PHLPP1: variants seen among roughly 807,000 people sequenced by gnomAD.
PHLPP1 encodes PH domain leucine-rich repeat-containing protein phosphatase 1.
Under a neutral mutation model 117.2 loss-of-function variants are expected in PHLPP1, and 42 were observed. The observed-to-expected ratio is 0.36, with a 90% CI of 0.28 to 0.46. PHLPP1 has a LOEUF of 0.46. Ranked by LOEUF, PHLPP1 falls within the 20% of genes least tolerant of loss-of-function variation. PHLPP1 has a pLI of 1.00. For synonymous variants in PHLPP1, 1,042 were observed against 970.7 expected, an observed-to-expected ratio of 1.07 and a Z score of -1.37; for missense variants, 2,084 against 2,241.9, an observed-to-expected ratio of 0.93 and a Z score of 1.42.
chr18:62,780,858 T>G (rs1455930912), intron 1 of PHLPP1, among the ~76,000 whole-genome samples: 1 of 152,208 alleles, frequency 6.6e-6, no homozygotes, highest in Non-Finnish European at 1.5e-5. Context: ...TTGGATTCCC[T>G]CATGCTATAT....
chr18:62,968,303 G>A (rs571837449), intron 14 of PHLPP1, among the ~76,000 whole-genome samples: 109 of 152,196 alleles, frequency 7.2e-4, no homozygotes, highest in African/African-American at 2.6e-3. Context: ...GAGTTTTCTG[G>A]AGGAGTTTGT....
At chr18:62,874,699 T>A (rs925993643) in intron 4 of PHLPP1, among the ~76,000 whole-genome samples, 1 of 151,872 alleles carries the variant, frequency 6.6e-6, no homozygotes, top group Non-Finnish European at 1.5e-5. Context: ...ACACTCTCGC[T>A]CTCTGTCTCT....
At chr18:62,822,482 C>A (rs1317637716) in intron 1 of PHLPP1, among the ~76,000 whole-genome samples, 1 of 151,716 alleles carries the variant, frequency 6.6e-6, no homozygotes, top group Non-Finnish European at 1.5e-5. Context: ...GACGGGGTTT[C>A]ACCGTGTTAG....
intron 10 of PHLPP1, among the ~76,000 whole-genome samples, chr18:62,925,033 A>T (rs1372275279): frequency 6.6e-6 from 1 of 151,966 alleles, no homozygotes; most frequent in East Asian, 1.9e-4. Context: ...TAGATTTCTC[A>T]TTTACCTGTC....
intron 16 of PHLPP1, among the ~76,000 whole-genome samples, chr18:62,977,207 A>G (rs1911214049): frequency 6.6e-6 from 1 of 152,140 alleles, no homozygotes; most frequent in African/African-American, 2.4e-5. Flanking sequence ...AGACATCCCT[A>G]GGACAAGTAA....
chr18:62,825,494 C>G (rs948613677), intron 1 of PHLPP1: 1 of 147,372 alleles, frequency 6.8e-6, no homozygotes, highest in Non-Finnish European at 1.5e-5. Flanking sequence ...GGTCTTATTC[C>G]ATCTCCCAGG....
Position 62,716,069 on chromosome 18 carries a change from A to C in PHLPP1, c.386A>C (p.Asn129Thr), listed in dbSNP as rs1910718233. The change falls in exon 1 of 17, where the codon AAT (asparagine) becomes ACT (threonine). Residue 129 changes from asparagine (N) to threonine (T), a missense_variant. Physicochemically the swap from Asn to Thr is moderately conservative, Grantham distance 65. Transcript: ENST00000262719. The surrounding 1 kb of genome is among the most constrained non-coding windows in gnomAD (Gnocchi z 5.7). ...LLLRRGRLKR[N>T]LSAAAAAASS... ...CTGAGGAGAGGGCGGCTGAAGAGGA[A>C]TCTGTCCGCGGCCGCCGCGGCCGCC... 1 of 1,482,916 alleles carries C rather than the reference A, an allele frequency of 6.7e-7. No homozygotes were observed. The highest frequency in any genetic ancestry group is 2.7e-5 in the East Asian group (1 of 36,674). 91.9% of individuals were successfully genotyped at this position (1,482,916 alleles called of 1,614,324 possible). A position where few individuals can be genotyped will look rare whatever the true frequency, so the allele number is the denominator to read the frequency against.
chr18:62,928,722 T>G (rs1909720817), intron 10 of PHLPP1, among the ~76,000 whole-genome samples: 1 of 152,208 alleles, frequency 6.6e-6, no homozygotes, highest in African/African-American at 2.4e-5. Context: ...ATAGCAACAT[T>G]ATTCATAACA....
intron 3 of PHLPP1, among the ~76,000 whole-genome samples, chr18:62,851,554 G>T (rs1049349740): frequency 6.6e-6 from 1 of 152,042 alleles, no homozygotes; most frequent in African/African-American, 2.4e-5. Context: ...TCCGCCTCCC[G>T]GATTCAAGAG....
intron 1 of PHLPP1, among the ~76,000 whole-genome samples, chr18:62,746,767 G>A (rs1187677737): frequency 2.0e-5 from 3 of 150,034 alleles, no homozygotes; most frequent in Non-Finnish European, 4.4e-5. Context: ...CCTATATATT[G>A]TATGTGGGTT....
rs769645375 is a variant in PHLPP1 at position 62,978,079 on chromosome 18, G to A, written c.3985-183G>A. ...TTACCTGCCCAGGCCTACTACCTGG[G>A]GTTTCTGATGACAGGTGCACATTAA... On this transcript the variant is annotated intron_variant, in intron 16 of 16. Transcript: ENST00000262719. The surrounding 1 kb of genome is among the most constrained non-coding windows in gnomAD (Gnocchi z 7.0). Among the ~76,000 whole-genome samples, 3 of 152,034 alleles carry A rather than the reference G, an allele frequency of 2.0e-5. No homozygotes were observed. Among genetic ancestry groups the A allele is most frequent in the Non-Finnish European group, 4.4e-5 (3 of 67,998 alleles).
In PHLPP1 at chr18:62,941,942, G is replaced by A. The variant is rs766091546; in HGVS notation, c.3161+24G>A. 22 of 1,551,398 alleles carry A rather than the reference G, an allele frequency of 1.4e-5. 1 individual carries two copies. Among genetic ancestry groups the A allele is most frequent in the South Asian group, 3.4e-5 (3 of 88,338 alleles). ...AGGTAAAGGACAGTTGTAAAGCTGC[G>A]TTCTGAATTGCATTTCTCAAAGTGT... is the stretch of plus-strand genomic sequence containing the variant. On this transcript the variant is annotated intron_variant, in intron 11 of 16. Coordinates refer to ENST00000262719, the MANE Select transcript of PHLPP1 (RefSeq NM_194449.4).
intron 4 of PHLPP1, among the ~76,000 whole-genome samples, chr18:62,877,631 G>A (rs1025329082): frequency 1.3e-5 from 2 of 152,236 alleles, no homozygotes; most frequent in Non-Finnish European, 2.9e-5. Context: ...TCAGTTAACT[G>A]TTCCCAGAAC....
At chr18:62,930,655 T>C (rs1184443806) in intron 10 of PHLPP1, among the ~76,000 whole-genome samples, 2 of 152,226 alleles carry the variant, frequency 1.3e-5, no homozygotes, top group Non-Finnish European at 2.9e-5. Context: ...GGCAGAATAC[T>C]AATTCTGGAC....
At chr18:62,840,981 C>T (rs1282196849) in intron 3 of PHLPP1, among the ~76,000 whole-genome samples, 1 of 152,180 alleles carries the variant, frequency 6.6e-6, no homozygotes, top group Non-Finnish European at 1.5e-5. Flanking sequence ...CCTCCACCTC[C>T]TGGGTTCAAG....
chr18:62,957,716 A>ATTTT (rs774423724), intron 12 of PHLPP1, among the ~76,000 whole-genome samples: 1 of 136,852 alleles, frequency 7.3e-6, no homozygotes. Context: ...CCGGATTCTT[A>ATTTT]TTTTTTTTTT....
At chr18:62,914,532 A>G (rs759880267) in intron 8 of PHLPP1, among the ~76,000 whole-genome samples, 2 of 151,964 alleles carry the variant, frequency 1.3e-5, no homozygotes, top group African/African-American at 2.4e-5. Flanking sequence ...GAACTCCTCT[A>G]CTCCAGCAGT....
intron 16 of PHLPP1, among the ~76,000 whole-genome samples, chr18:62,976,862 G>T (rs1911201059): frequency 1.3e-5 from 2 of 152,258 alleles, no homozygotes; most frequent in South Asian, 4.1e-4. Context: ...TTTCTTTGCA[G>T]GTCACTGCTG....
chr18:62,922,116 TTTTG>T (rs143839117), intron 10 of PHLPP1, among the ~76,000 whole-genome samples: 14,552 of 151,328 alleles, frequency 0.096, 882 homozygotes, highest in Non-Finnish European at 0.14. Flanking sequence ...GTTTTGGGTT[TTTTG>T]TTTGTTTGTT....
Sources: allele counts gnomAD v4.1 joint callset (sites outside exome capture counted in the v4.1 genomes callset), GRCh38; gene constraint gnomAD v4.1.1; non-coding constraint Gnocchi (gnomAD v3.1); transcripts MANE v1.5; gene names NCBI Gene and HGNC (gene_info 2026-07-23, HGNC 2026-07-21).